The following DNAH3 variants were observed in gnomAD, a reference collection of about 807,000 sequenced individuals.
The protein encoded by DNAH3 is axonemal beta dynein heavy chain 3.
Under a neutral mutation model 432.5 loss-of-function variants are expected in DNAH3, and 332 were observed. That is an observed-to-expected ratio of 0.77 (90% CI 0.70 to 0.84). DNAH3 has a LOEUF of 0.84. DNAH3 is among the 40% of genes least tolerant of loss of function. DNAH3 has a pLI of 0.00. For missense variants in DNAH3, 4,861 were observed against 5,114.0 expected, an observed-to-expected ratio of 0.95 and a Z score of 1.51; for synonymous variants, 1,956 against 1,900.2, an observed-to-expected ratio of 1.03 and a Z score of -0.76.
intron 41 of DNAH3, among the ~76,000 whole-genome samples, chr16:21,004,163 C>T: frequency 6.6e-6 from 1 of 152,052 alleles, no homozygotes; most frequent in Non-Finnish European, 1.5e-5. Flanking sequence ...CTTTATAAGT[C>T]ATTTAATGTT....
rs200754456 is a variant in DNAH3, at chr16:21,031,022, G to A, written c.5439+23C>T. Reference sequence around the variant, plus strand: ...GAGTTTATGTCTCACTCATGGAAAAGTCATATCAGGGTCAATACTTACCTT... The same window carrying A: ...GAGTTTATGTCTCACTCATGGAAAAATCATATCAGGGTCAATACTTACCTT... On this transcript the variant is annotated intron_variant, in intron 37 of 61. Transcript: ENST00000261383. The A allele has an allele frequency of 2.4e-3, 3,879 of 1,612,398 alleles. 105 individuals are homozygous for A. The South Asian group carries it at 0.04, about 17-fold the overall frequency.
chr16:21,030,631 A>G (rs1477338970), intron 37 of DNAH3, among the ~76,000 whole-genome samples: 1 of 152,232 alleles, frequency 6.6e-6, no homozygotes. Flanking sequence ...GTTATATAGC[A>G]ATAAGTAACC....
intron 7 of DNAH3, among the ~76,000 whole-genome samples, chr16:21,133,474 C>A (rs2152822651): frequency 6.6e-6 from 1 of 151,966 alleles, no homozygotes; most frequent in Non-Finnish European, 1.5e-5. Flanking sequence ...GGTGCGATGG[C>A]CCATGTCTCT....
At chr16:21,078,036 G>A (rs2091035847) in intron 20 of DNAH3, among the ~76,000 whole-genome samples, 1 of 152,114 alleles carries the variant, frequency 6.6e-6, no homozygotes, top group Non-Finnish European at 1.5e-5. Flanking sequence ...AGCACTTTGG[G>A]AGGCCAAGGC....
chr16:20,949,472 C>T (rs930591424), intron 56 of DNAH3, among the ~76,000 whole-genome samples: 7 of 152,094 alleles, frequency 4.6e-5, no homozygotes, highest in Middle Eastern at 3.4e-3. Flanking sequence ...GTTAATCTCT[C>T]GCTGTGCCTA....
chr16:21,094,617 G>A (rs2091627319), intron 18 of DNAH3, among the ~76,000 whole-genome samples: 1 of 148,716 alleles, frequency 6.7e-6, no homozygotes, highest in Admixed American at 6.7e-5. Context: ...GCTGCAGTGA[G>A]CCGAGATCAC....
At position 21,130,062 on chromosome 16, in the gene DNAH3, T is replaced by TGAAA. The variant is rs2092525353; in HGVS notation, c.1083-2251_1083-2250insTTTC. The TGAAA allele has an allele frequency of 4.9e-5, 6 of 123,376 alleles. No homozygotes were observed. The South Asian group carries it at 1.5e-3, about 30-fold the overall frequency. The allele number at this position is 123,376 out of a possible 1,614,324, so 7.6% of individuals were successfully genotyped here. ...CAGGACCTGGCACCTATTTGTTAAA[T>TGAAA]GAATGAATGAATGAATGACTAAATA... On this transcript the variant is annotated intron_variant, in intron 7 of 61. Transcript: ENST00000261383.
At chr16:21,097,754 A>G (rs1160302839) in intron 17 of DNAH3, among the ~76,000 whole-genome samples, 1 of 152,002 alleles carries the variant, frequency 6.6e-6, no homozygotes, top group Non-Finnish European at 1.5e-5. Context: ...CTCTGTTTCC[A>G]CTCTATGACA....
Position 21,146,113 on chromosome 16 carries a change from C to G in DNAH3, c.118-25G>C, listed in dbSNP as rs745408673. The G allele has an allele frequency of 2.6e-6, 4 of 1,538,130 alleles. No homozygotes were observed. The South Asian group carries it at 3.4e-5, about 13-fold the overall frequency. On this transcript the variant is annotated intron_variant, in intron 1 of 61. Coordinates refer to ENST00000261383, the Ensembl canonical transcript of DNAH3. ...TCTGTGGGACATGGGAACAAAGTCA[C>G]CCTTCAAAAATTAGGGAAGATTTGC... is the stretch of plus-strand genomic sequence containing the variant.
chr16:21,129,225 G>C (rs918166254), intron 7 of DNAH3: 1 of 152,950 alleles, frequency 6.5e-6, no homozygotes, highest in African/African-American at 2.4e-5. Flanking sequence ...TCCAGGCCGT[G>C]CCCACCTGCT....
intron 6 of DNAH3, 116 bp downstream of exon 7, chr16:21,136,208 G>T: frequency 1.0e-6 from 1 of 1,001,460 alleles, no homozygotes; most frequent in Non-Finnish European, 1.5e-6. Context: ...GAGCCCAGGA[G>T]TTCCAGACCA....
chr16:21,000,634 T>C, intron 42 of DNAH3, 116 bp from the exon 43 acceptor site: 3 of 926,338 alleles, frequency 3.2e-6, no homozygotes, highest in Non-Finnish European at 4.8e-6. Flanking sequence ...TTTATGACCT[T>C]AGGCGAGTCT....
At chr16:21,071,374 G>T (rs927944657) in intron 21 of DNAH3, among the ~76,000 whole-genome samples, 1 of 149,618 alleles carries the variant, frequency 6.7e-6, no homozygotes, top group African/African-American at 2.5e-5. Flanking sequence ...GGGTCTCACT[G>T]TGTTGCCCAG....
At chr16:20,959,610 AACACACACACACACACACACAC>A (rs55757849) in intron 53 of DNAH3, among the ~76,000 whole-genome samples, 6 of 137,562 alleles carry the variant, frequency 4.4e-5, no homozygotes, top group Admixed American at 1.5e-4. Flanking sequence ...TCTCTATTTA[AACACACACACACACACACACAC>A]ACACACACAC....
intron 15 of DNAH3, among the ~76,000 whole-genome samples, chr16:21,105,171 C>T (rs1373555206): frequency 6.6e-6 from 1 of 152,116 alleles, no homozygotes; most frequent in Non-Finnish European, 1.5e-5. Flanking sequence ...GGGCACAGCT[C>T]GTGAACATGC....
intron 18 of DNAH3, among the ~76,000 whole-genome samples, chr16:21,087,501 T>C (rs1233898642): frequency 2.6e-5 from 4 of 151,590 alleles, no homozygotes; most frequent in Admixed American, 6.6e-5. Context: ...CTGGGCAACA[T>C]AGTGAGACCC....
exon 18 of DNAH3, chr16:21,097,450 G>C: frequency 3.1e-6 from 5 of 1,613,916 alleles, no homozygotes; most frequent in Non-Finnish European, 3.4e-6. Context: ...CTGCAGAAGA[G>C]GGTAAGTACT....
At chr16:20,965,326 G>T in exon 53 of DNAH3, 1 of 1,608,340 alleles carries the variant, frequency 6.2e-7, no homozygotes, top group East Asian at 2.2e-5. Flanking sequence ...CATGGTCAGT[G>T]GGGGGATGTT....
chr16:21,018,003 A>T lies in DNAH3; in HGVS notation c.6022+1621T>A, dbSNP rs541973854. ...CCTTCCTTTAATCTATCTTTTTTTT[A>T]AAAAAAATTCAAAATTAATTTTAAG... On this transcript the variant is annotated intron_variant, in intron 41 of 61. Transcript: ENST00000261383. 4.4e-3 allele frequency among the ~76,000 whole-genome samples: 647 copies of T among 146,644 alleles called. 6 individuals carry two copies. Among genetic ancestry groups the T allele is most frequent in the Middle Eastern group, 0.01 (3 of 294 alleles).
Sources: allele counts gnomAD v4.1 joint callset (sites outside exome capture counted in the v4.1 genomes callset), GRCh38; gene constraint gnomAD v4.1.1; transcripts MANE v1.5; gene names NCBI Gene and HGNC (gene_info 2026-07-23, HGNC 2026-07-21).